Variants in DIAPH2 observed in about 807,000 individuals in gnomAD.
The protein encoded by DIAPH2 is protein diaphanous homolog 2.
DIAPH2 carries 35 observed loss-of-function variants against 92.7 expected under a neutral mutation model. That is an observed-to-expected ratio of 0.38 (90% CI 0.29 to 0.50). DIAPH2 has a LOEUF of 0.50. Ranked by LOEUF, DIAPH2 falls within the 20% of genes least tolerant of loss-of-function variation. The pLI, the probability that DIAPH2 is intolerant of heterozygous loss-of-function variation, is 0.94. For missense variants in DIAPH2, 701 were observed against 819.5 expected (o/e 0.86, Z 1.77); for synonymous variants, 301 against 280.4 (o/e 1.07, Z -0.73).
At chrX:97,512,128 C>A (rs1292604445) in intron 26 of DIAPH2, among the ~76,000 whole-genome samples, 1 of 113,018 alleles carries the variant, frequency 8.8e-6, no homozygotes, top group Non-Finnish European at 1.9e-5. Flanking sequence ...GGCTGTGAAT[C>A]CATCTGGTCC....
intron 1 of DIAPH2, among the ~76,000 whole-genome samples, chrX:96,732,503 G>A (rs1016113344): frequency 2.7e-5 from 3 of 111,721 alleles, no homozygotes; most frequent in East Asian, 5.6e-4. Flanking sequence ...GAAAATATTC[G>A]TATTAAATGT....
chrX:97,417,375 T>TAC (rs750360804), intron 25 of DIAPH2, among the ~76,000 whole-genome samples: 4,974 of 103,737 alleles, frequency 0.048, 123 homozygotes, highest in African/African-American at 0.097. Context: ...TGGTCACACA[T>TAC]ACACACACAC....
intron 23 of DIAPH2, among the ~76,000 whole-genome samples, chrX:97,323,593 GAAAA>G (rs1199744995): frequency 1.7e-4 from 4 of 23,266 alleles, no homozygotes; most frequent in South Asian, 3.2e-3. Context: ...TCCGTCTCAA[GAAAA>G]AAAAAAAAAA....
At chrX:96,781,614 C>T (rs977846807) in intron 4 of DIAPH2, among the ~76,000 whole-genome samples, 86 of 110,767 alleles carry the variant, frequency 7.8e-4, no homozygotes, top group African/African-American at 2.6e-3. Flanking sequence ...AATAATTTTT[C>T]GGTCACATTT....
At chrX:96,747,406 T>C (rs1321024929) in intron 3 of DIAPH2, among the ~76,000 whole-genome samples, 1 of 112,325 alleles carries the variant, frequency 8.9e-6, no homozygotes, top group African/African-American at 3.2e-5. Context: ...CCATATTTCA[T>C]TTCAACCTAA....
intron 4 of DIAPH2, among the ~76,000 whole-genome samples, chrX:96,862,010 A>G (rs1451466396): frequency 1.8e-5 from 2 of 111,599 alleles, no homozygotes; most frequent in African/African-American, 3.3e-5. Context: ...CAGTTTTCAT[A>G]TTAGACATTC....
chrX:97,321,981 G>C (rs993788052), intron 23 of DIAPH2, among the ~76,000 whole-genome samples: 6 of 112,362 alleles, frequency 5.3e-5, no homozygotes, highest in African/African-American at 1.9e-4. Flanking sequence ...ACCTTTAAAA[G>C]TATATTTGCA....
At chrX:97,052,957 G>A (rs990933680) in intron 17 of DIAPH2, among the ~76,000 whole-genome samples, 5 of 110,759 alleles carry the variant, frequency 4.5e-5, no homozygotes, top group African/African-American at 1.6e-4. Context: ...CATGAAGGCT[G>A]GCTTTGGACT....
chrX:97,048,503 A>G (rs966241916), intron 17 of DIAPH2, among the ~76,000 whole-genome samples: 1 of 111,547 alleles, frequency 9.0e-6, no homozygotes, highest in Admixed American at 9.5e-5. Context: ...TTAAGGTATT[A>G]TGTAATTTCT....
rs1232429577 is a variant in DIAPH2, at chrX:97,604,979, A to AGTT, written c.*5663_*5665dup. 6 of 112,355 alleles carry AGTT rather than the reference A, an allele frequency of 5.3e-5. No homozygotes were observed. The highest frequency in any genetic ancestry group is 1.9e-4 in the African/African-American group (6 of 30,851). 9.3% of individuals were successfully genotyped at this position (112,355 alleles called of 1,213,427 possible). A position where few individuals can be genotyped will look rare whatever the true frequency, so the allele number is the denominator to read the frequency against. On this transcript the variant is annotated 3_prime_UTR_variant, in exon 27 of 27. Transcript: ENST00000324765. ...TAATGGCTACTTACTTATTCAATAA[A>AGTT]GTTAAGATATACGTTAAATGTTGTG...
At chrX:96,799,787 G>A (rs5950033) in intron 4 of DIAPH2, among the ~76,000 whole-genome samples, 6,457 of 110,007 alleles carry the variant, frequency 0.059, 207 homozygotes, top group Middle Eastern at 0.17. Flanking sequence ...CAGCCTGGGT[G>A]ACAGAGTGAG....
At chrX:96,762,014 C>A (rs905529116) in intron 4 of DIAPH2, among the ~76,000 whole-genome samples, 1 of 111,051 alleles carries the variant, frequency 9.0e-6, no homozygotes, top group African/African-American at 3.3e-5. Flanking sequence ...TTTATGATAT[C>A]CTTTTCAACA....
At chrX:96,734,851 AT>A (rs35336655) in intron 1 of DIAPH2, among the ~76,000 whole-genome samples, 89 of 105,252 alleles carry the variant, frequency 8.5e-4, no homozygotes, top group Middle Eastern at 4.8e-3. Context: ...AGAAGACCCT[AT>A]TTTTTTTTTA....
intron 23 of DIAPH2, among the ~76,000 whole-genome samples, chrX:97,292,672 G>A (rs1466105583): frequency 2.8e-5 from 3 of 108,461 alleles, no homozygotes; most frequent in Admixed American, 2.0e-4. Context: ...TCAGCCTCCC[G>A]AGTAGCTGGG....
chrX:97,484,190 A>T (rs768776138), intron 26 of DIAPH2, among the ~76,000 whole-genome samples: 10 of 111,645 alleles, frequency 9.0e-5, no homozygotes, highest in African/African-American at 3.3e-4. Context: ...TGCCCAGATC[A>T]TTTTTCTACA....
chrX:97,366,440 G>C (rs2069382166), intron 24 of DIAPH2, among the ~76,000 whole-genome samples: 1 of 111,790 alleles, frequency 8.9e-6, no homozygotes, highest in Admixed American at 9.5e-5. Flanking sequence ...ATATTTTCCT[G>C]GTATAATTCT....
chrX:96,692,033 C>G (rs1443512885), intron 1 of DIAPH2, among the ~76,000 whole-genome samples: 5 of 111,805 alleles, frequency 4.5e-5, no homozygotes, highest in African/African-American at 1.6e-4. Context: ...TTTAACCTAC[C>G]CTTAATTCGT....
intron 3 of DIAPH2, among the ~76,000 whole-genome samples, chrX:96,752,243 A>T (rs2083662734): frequency 8.9e-6 from 1 of 111,861 alleles, no homozygotes; most frequent in Non-Finnish European, 1.9e-5. Flanking sequence ...ATGAGTCATT[A>T]TGGTCTTTTC....
chrX:97,563,952 A>G (rs1410010536), intron 26 of DIAPH2, among the ~76,000 whole-genome samples: 1 of 112,004 alleles, frequency 8.9e-6, no homozygotes, highest in African/African-American at 3.3e-5. Context: ...GTACAAGATT[A>G]GGGTCCTCCA....
Sources: allele counts gnomAD v4.1 joint callset (sites outside exome capture counted in the v4.1 genomes callset), GRCh38; gene constraint gnomAD v4.1.1; transcripts MANE v1.5; gene names NCBI Gene and HGNC (gene_info 2026-07-23, HGNC 2026-07-21).